The following RALYL variants were observed in gnomAD, a reference collection of about 807,000 sequenced individuals.
The protein encoded by RALYL is RNA-binding Raly-like protein.
RALYL carries 29 observed loss-of-function variants against 35.1 expected under a neutral mutation model. That is an observed-to-expected ratio of 0.83 (90% CI 0.61 to 1.13). The LOEUF (loss-of-function observed/expected upper bound fraction) is 1.13, where lower values mean the gene tolerates loss of function less well. Ranked by LOEUF, RALYL falls within the 50% of genes most tolerant of loss-of-function variation. The pLI is 0.00. For synonymous variants in RALYL, 120 were observed against 127.6 expected (o/e 0.94, Z 0.40); for missense variants, 359 against 360.4 (o/e 1.00, Z 0.03).
At chr8:84,618,069 C>T (rs1297816305) in intron 2 of RALYL, among the ~76,000 whole-genome samples, 2 of 151,716 alleles carry the variant, frequency 1.3e-5, no homozygotes, top group Non-Finnish European at 2.9e-5. Context: ...TTGGTTGTGT[C>T]TCTGCCCGGC....
chr8:84,706,154 T>A, intron 2 of RALYL: 1 of 1,155,876 alleles, frequency 8.7e-7, no homozygotes, highest in Non-Finnish European at 1.2e-6. Context: ...TTCAGATACA[T>A]CCTGGTAGTA....
intron 1 of RALYL, among the ~76,000 whole-genome samples, chr8:84,514,351 A>G (rs973251626): frequency 2.0e-5 from 3 of 152,276 alleles, no homozygotes; most frequent in Non-Finnish European, 4.4e-5. Context: ...ACAATAGGTA[A>G]GTGGCCGTCT....
chr8:84,767,974 A>G (rs1814523935), intron 2 of RALYL, among the ~76,000 whole-genome samples: 1 of 152,218 alleles, frequency 6.6e-6, no homozygotes, highest in Admixed American at 6.5e-5. Context: ...AGAACAGTTT[A>G]AGAGCTCTGA....
At chr8:84,637,002 T>A (rs931213851) in intron 2 of RALYL, among the ~76,000 whole-genome samples, 6 of 151,902 alleles carry the variant, frequency 3.9e-5, no homozygotes, top group African/African-American at 9.7e-5. Context: ...AGACTCAGTG[T>A]CATATCTGAA....
intron 4 of RALYL, among the ~76,000 whole-genome samples, chr8:84,848,423 ATATG>A (rs1326018626): frequency 7.2e-6 from 1 of 139,704 alleles, no homozygotes; most frequent in African/African-American, 2.5e-5. Flanking sequence ...GTGTATATAT[ATATG>A]TGTGTGTGTG....
chr8:84,586,667 T>C (rs1812085237), intron 2 of RALYL, among the ~76,000 whole-genome samples: 1 of 152,196 alleles, frequency 6.6e-6, no homozygotes, highest in South Asian at 2.1e-4. Flanking sequence ...CAGTTGAGTT[T>C]GAAAATCATA....
At chr8:84,789,491 A>G (rs1054592991) in intron 3 of RALYL, among the ~76,000 whole-genome samples, 3 of 151,786 alleles carry the variant, frequency 2.0e-5, no homozygotes, top group Admixed American at 1.3e-4. Flanking sequence ...TTTTTTCCTT[A>G]CTCTTTGTTA....
intron 1 of RALYL, among the ~76,000 whole-genome samples, chr8:84,481,798 G>A (rs2054070519): frequency 6.6e-6 from 1 of 152,034 alleles, no homozygotes; most frequent in Admixed American, 6.6e-5. Flanking sequence ...TTAAAAAGAT[G>A]ATTGTCTGAA....
Position 84,394,099 on chromosome 8 carries a change from C to A in RALYL, c.-23-135200C>A, listed in dbSNP as rs200677626. Among the ~76,000 whole-genome samples the A allele has an allele frequency of 5.3e-5, 8 of 152,192 alleles. No individual in the cohort carries two copies. The East Asian group carries it at 1.6e-3, about 29-fold the overall frequency. On this transcript the variant is annotated intron_variant, in intron 1 of 8. Coordinates refer to ENST00000521268, the MANE Select transcript of RALYL (RefSeq NM_173848.7). ...TTCATTTTCTCCCTACTTGTGCACACTCCAGTCTTCCACTGTTTCTACAGA... is the reference window on the plus strand; with the variant it reads ...TTCATTTTCTCCCTACTTGTGCACAATCCAGTCTTCCACTGTTTCTACAGA...
At chr8:84,788,685 G>A (rs1413377701) in intron 3 of RALYL, among the ~76,000 whole-genome samples, 1 of 152,168 alleles carries the variant, frequency 6.6e-6, no homozygotes, top group Non-Finnish European at 1.5e-5. Flanking sequence ...GCAGTCCAGT[G>A]ACCCTGTGTG....
At chr8:84,224,238 A>G (rs1008027122) in intron 1 of RALYL, among the ~76,000 whole-genome samples, 1 of 152,146 alleles carries the variant, frequency 6.6e-6, no homozygotes, top group Non-Finnish European at 1.5e-5. Flanking sequence ...TCCTGAGTCT[A>G]AGAGTTACTT....
chr8:84,675,140 G>A (rs1159710822), intron 2 of RALYL, among the ~76,000 whole-genome samples: 1 of 152,038 alleles, frequency 6.6e-6, no homozygotes, highest in Admixed American at 6.6e-5. Context: ...CATGCTGTTT[G>A]AGAAATACAT....
intron 2 of RALYL, among the ~76,000 whole-genome samples, chr8:84,739,938 GT>G (rs1196931342): frequency 6.6e-6 from 1 of 151,812 alleles, no homozygotes; most frequent in Non-Finnish European, 1.5e-5. Context: ...ATTAGCCCAG[GT>G]TTGCTTTGTG....
chr8:84,495,863 C>T (rs1263070924), intron 1 of RALYL, among the ~76,000 whole-genome samples: 1 of 152,062 alleles, frequency 6.6e-6, no homozygotes, highest in Non-Finnish European at 1.5e-5. Context: ...CTACCGGTTA[C>T]AAGTTGTTAT....
chr8:84,717,144 G>A (rs1037917374), intron 2 of RALYL, among the ~76,000 whole-genome samples: 1 of 152,100 alleles, frequency 6.6e-6, no homozygotes, highest in African/African-American at 2.4e-5. Flanking sequence ...CCGAGATCAC[G>A]CCATTGCACT....
intron 3 of RALYL, among the ~76,000 whole-genome samples, chr8:84,792,001 A>C (rs1456857534): frequency 6.6e-6 from 1 of 152,184 alleles, no homozygotes; most frequent in African/African-American, 2.4e-5. Context: ...GGGAGCATGC[A>C]AACAGGCAGG....
rs1463522430 is a variant in RALYL, at chr8:84,353,368, A to G, written c.-24+168944A>G. Among the ~76,000 whole-genome samples the G allele has an allele frequency of 2.0e-5, 3 of 150,266 alleles. 1 individual carries two copies. Among genetic ancestry groups the G allele is most frequent in the African/African-American group, 7.4e-5 (3 of 40,398 alleles). ...TAGCTTTTAAGCCCCCGTGGTACAG[A>G]AAGTGTTTTATTCATTTTTGTGTCT... On this transcript the variant is annotated intron_variant, in intron 1 of 8. Coordinates refer to ENST00000521268, the MANE Select transcript of RALYL (RefSeq NM_173848.7).
intron 2 of RALYL, among the ~76,000 whole-genome samples, chr8:84,567,630 A>G (rs1339554889): frequency 6.6e-6 from 1 of 150,442 alleles, no homozygotes; most frequent in African/African-American, 2.4e-5. Context: ...TGGTTCCATG[A>G]CTTTGCTATT....
intron 2 of RALYL, among the ~76,000 whole-genome samples, chr8:84,672,845 A>G (rs183317261): frequency 6.6e-6 from 1 of 152,280 alleles, no homozygotes; most frequent in African/African-American, 2.4e-5. Flanking sequence ...CTACAGTTCA[A>G]GAGGAGATTT....
Sources: gnomAD v4.1 joint callset for allele counts (sites outside exome capture counted in the v4.1 genomes callset) on GRCh38, gnomAD v4.1.1 for gene constraint, MANE v1.5 for transcripts, NCBI Gene and HGNC (gene_info 2026-07-23, HGNC 2026-07-21) for gene names.